BCAT1: variants seen among roughly 807,000 people sequenced by gnomAD.
BCAT1 encodes the protein branched chain amino acid transaminase 1, also known as branched-chain-amino-acid aminotransferase, cytosolic.
BCAT1 carries 48 observed loss-of-function variants against 52.4 expected under a neutral mutation model. The observed-to-expected ratio is 0.92, with a 90% CI of 0.73 to 1.16. BCAT1 has a LOEUF of 1.16. Among genes scored for constraint, BCAT1 ranks in the 50% most tolerant of loss-of-function variants. The pLI, the probability that BCAT1 is intolerant of heterozygous loss-of-function variation, is 0.00. For missense variants in BCAT1, 451 were observed against 457.1 expected, an observed-to-expected ratio of 0.99 and a Z score of 0.12; for synonymous variants, 167 against 161.3, an observed-to-expected ratio of 1.04 and a Z score of -0.27.
chr12:24,918,890 G>A (rs1178981202), intron 1 of BCAT1, among the ~76,000 whole-genome samples: 2 of 152,146 alleles, frequency 1.3e-5, no homozygotes, highest in African/African-American at 4.8e-5. Context: ...GACTAGTTAT[G>A]ACACTTGATT....
At chr12:24,865,682 A>T (rs570491129) in intron 5 of BCAT1, among the ~76,000 whole-genome samples, 2 of 152,272 alleles carry the variant, frequency 1.3e-5, no homozygotes, top group South Asian at 4.1e-4. Context: ...AATATATAAA[A>T]TCTGGTTAAA....
intron 1 of BCAT1, among the ~76,000 whole-genome samples, chr12:24,908,035 A>G (rs1158793848): frequency 6.6e-6 from 1 of 152,160 alleles, no homozygotes; most frequent in Non-Finnish European, 1.5e-5. Flanking sequence ...GCTCTCTAAT[A>G]TTTTAGAAAG....
chr12:24,861,001 A>G (rs572585134), intron 5 of BCAT1, among the ~76,000 whole-genome samples: 1 of 152,378 alleles, frequency 6.6e-6, no homozygotes, highest in Admixed American at 6.5e-5. Context: ...AACCAGGCCA[A>G]GCATAATAAG....
chr12:24,909,076 A>G (rs1285832834), intron 1 of BCAT1, among the ~76,000 whole-genome samples: 2 of 152,182 alleles, frequency 1.3e-5, no homozygotes, highest in East Asian at 3.8e-4. Context: ...TTTCAGTTAT[A>G]TGTAGCCCTT....
At chr12:24,949,173 C>T (rs565330483), upstream of BCAT1, 16 of 541,312 alleles carry the variant, frequency 3.0e-5, no homozygotes, top group South Asian at 3.8e-4. Context: ...AAGGCTGCTC[C>T]CCCAGGCCGC....
In BCAT1 at chr12:24,836,477, G is replaced by A. The variant is rs372761232; in HGVS notation, c.903+34C>T. The A allele has an allele frequency of 3.2e-6, 5 of 1,539,656 alleles. No homozygotes were observed. The African/African-American group carries it at 6.8e-5, about 21-fold the overall frequency. ...TTATTTTGATTATTTTTTATTTCAG[G>A]CTTACAAAAGTTGTTCATATCAAAG... On this transcript the variant is annotated intron_variant, in intron 8 of 10. Transcript: ENST00000261192.
intron 1 of BCAT1, chr12:24,903,344 G>A (rs1212576029): frequency 8.5e-6 from 2 of 236,480 alleles, no homozygotes; most frequent in Non-Finnish European, 1.6e-5. Flanking sequence ...ACCTCTAGGT[G>A]AATGGCCGGG....
intron 4 of BCAT1, among the ~76,000 whole-genome samples, chr12:24,879,130 A>G (rs1469234418): frequency 6.6e-6 from 1 of 152,176 alleles, no homozygotes; most frequent in East Asian, 1.9e-4. Context: ...TTAAGGTAGG[A>G]AAGGATTCTT....
chr12:24,890,141 A>C (rs1942795493), intron 3 of BCAT1, among the ~76,000 whole-genome samples: 1 of 152,042 alleles, frequency 6.6e-6, no homozygotes, highest in Non-Finnish European at 1.5e-5. Context: ...AAATTAATCA[A>C]ACCAGAAGAG....
chr12:24,949,054 G>A lies in BCAT1; in HGVS notation c.-122C>T. 1.0e-6 allele frequency: 1 copy of A among 999,090 alleles called. No homozygotes were observed. Among genetic ancestry groups the A allele is most frequent in the South Asian group, 1.5e-5 (1 of 66,026 alleles). 61.9% of individuals were successfully genotyped at this position (999,090 alleles called of 1,614,324 possible). Reference sequence around the variant, plus strand: ...CGCGGTCCCGGCTGCAGCAAGACCTGGGGCAGTGCCCGAGGCGGCGGCGAG... The same window carrying A: ...CGCGGTCCCGGCTGCAGCAAGACCTAGGGCAGTGCCCGAGGCGGCGGCGAG... On this transcript the variant is annotated 5_prime_UTR_variant, in exon 1 of 11. Transcript: ENST00000261192.
At position 24,839,097 on chromosome 12, in the gene BCAT1, C is replaced by T. The variant is rs1356843400; in HGVS notation, c.818-2501G>A. Among the ~76,000 whole-genome samples, 5 of 152,112 alleles carry T rather than the reference C, an allele frequency of 3.3e-5. No homozygotes were observed. The East Asian group carries it at 7.7e-4, about 23-fold the overall frequency. The stretch of plus-strand genomic sequence containing the variant: ...CTCCCTGCTTACTTTCTAATAGACA[C>T]AGGTAAACATTTATTGTGTTGATAG... On this transcript the variant is annotated intron_variant, in intron 7 of 10. Coordinates refer to ENST00000261192, the MANE Select transcript of BCAT1 (RefSeq NM_005504.7).
chr12:24,911,661 G>A (rs976726571), intron 1 of BCAT1, among the ~76,000 whole-genome samples: 75 of 152,130 alleles, frequency 4.9e-4, no homozygotes, highest in Non-Finnish European at 1.2e-4. Flanking sequence ...AGCTTAGTCT[G>A]TGGGCTCCTG....
intron 6 of BCAT1, among the ~76,000 whole-genome samples, chr12:24,844,894 C>CAAAAAAAAAAAAAAAAAAAA (rs11318750): frequency 6.4e-4 from 23 of 35,996 alleles, no homozygotes; most frequent in Non-Finnish European, 6.6e-4. Flanking sequence ...GAGACTGTCT[C>CAAAAAAAAAAAAAAAAAAAA]AAAAAAAAAA....
chr12:24,928,183 G>T (rs1448788763), intron 1 of BCAT1, among the ~76,000 whole-genome samples: 3 of 152,182 alleles, frequency 2.0e-5, no homozygotes, highest in Non-Finnish European at 2.9e-5. Context: ...TTGCAATTCT[G>T]CTTCTTAGGT....
chr12:24,931,521 C>A (rs12366540), intron 1 of BCAT1, among the ~76,000 whole-genome samples: 1 of 151,794 alleles, frequency 6.6e-6, no homozygotes, highest in Non-Finnish European at 1.5e-5. Flanking sequence ...AAAAAGAGAC[C>A]CTGAATACCT....
At chr12:24,918,342 T>C (rs181328157) in intron 1 of BCAT1, among the ~76,000 whole-genome samples, 2 of 152,330 alleles carry the variant, frequency 1.3e-5, no homozygotes, top group Admixed American at 6.5e-5. Flanking sequence ...AACCGGCCAG[T>C]GCTCCCTAGG....
At chr12:24,897,851 G>A (rs1187405091) in intron 2 of BCAT1, among the ~76,000 whole-genome samples, 1 of 152,036 alleles carries the variant, frequency 6.6e-6, no homozygotes, top group Non-Finnish European at 1.5e-5. Flanking sequence ...ACCGCGCCCG[G>A]CATATATCCA....
intron 1 of BCAT1, among the ~76,000 whole-genome samples, chr12:24,925,580 C>T (rs1220181643): frequency 6.6e-6 from 1 of 151,156 alleles, no homozygotes; most frequent in Non-Finnish European, 1.5e-5. Context: ...CCCCCTCCCC[C>T]TCTCCCTCTC....
intron 7 of BCAT1, among the ~76,000 whole-genome samples, chr12:24,838,547 C>A (rs1941074322): frequency 6.6e-6 from 1 of 151,862 alleles, no homozygotes; most frequent in African/African-American, 2.4e-5. Flanking sequence ...TGCCCCCAAA[C>A]CGGACCTTTC....
Sources: gnomAD v4.1 joint callset for allele counts (sites outside exome capture counted in the v4.1 genomes callset) on GRCh38, gnomAD v4.1.1 for gene constraint, MANE v1.5 for transcripts, NCBI Gene and HGNC (gene_info 2026-07-23, HGNC 2026-07-21) for gene names.